The following ARHGAP19 variants were observed in gnomAD, a reference collection of about 807,000 sequenced individuals.
ARHGAP19 encodes the protein rho GTPase-activating protein 19.
ARHGAP19 carries 48 observed loss-of-function variants against 60.9 expected under a neutral mutation model. That is an observed-to-expected ratio of 0.79 (90% CI 0.62 to 1.00). The LOEUF is 1.00. Among genes scored for constraint, ARHGAP19 ranks in the 50% least tolerant of loss-of-function variants. ARHGAP19 has a pLI of 0.00. For missense variants in ARHGAP19, 562 were observed against 597.2 expected, an observed-to-expected ratio of 0.94 and a Z score of 0.61; for synonymous variants, 209 against 215.5, an observed-to-expected ratio of 0.97 and a Z score of 0.27.
chr10:97,255,556 G>T (rs575352605), intron 6 of ARHGAP19, among the ~76,000 whole-genome samples: 3 of 152,060 alleles, frequency 2.0e-5, no homozygotes, highest in Non-Finnish European at 2.9e-5. Context: ...CAGCCTGGGC[G>T]ACAGAGTGAG....
Position 97,246,895 on chromosome 10 carries a change from T to A in ARHGAP19, c.928-558A>T, listed in dbSNP as rs559502201. Among the ~76,000 whole-genome samples, 3 of 152,004 alleles carry A rather than the reference T, an allele frequency of 2.0e-5. No individual in the cohort carries two copies. The East Asian group carries it at 5.8e-4, about 30-fold the overall frequency. On this transcript the variant is annotated intron_variant, in intron 6 of 11. Coordinates refer to ENST00000358531, the MANE Select transcript of ARHGAP19 (RefSeq NM_032900.6). ...GCTCATGCCTGTAATCCCAGCACTATGGGAGGCCAAGGTGGGTGGATCACC... is the reference window on the plus strand; with the variant it reads ...GCTCATGCCTGTAATCCCAGCACTAAGGGAGGCCAAGGTGGGTGGATCACC...
chr10:97,247,279 C>A (rs1439099438), intron 6 of ARHGAP19, among the ~76,000 whole-genome samples: 1 of 152,084 alleles, frequency 6.6e-6, no homozygotes, highest in Non-Finnish European at 1.5e-5. Context: ...CACTGCACTC[C>A]AGCCTAGGCA....
At chr10:97,270,484 T>A in intron 1 of ARHGAP19, 1 of 660,632 alleles carries the variant, frequency 1.5e-6, no homozygotes, top group Non-Finnish European at 2.4e-6. Flanking sequence ...ATTTAAGAAC[T>A]TAAGAAATGT....
intron 1 of ARHGAP19, among the ~76,000 whole-genome samples, chr10:97,266,710 G>A (rs1046405808): frequency 2.6e-5 from 4 of 152,142 alleles, no homozygotes; most frequent in Non-Finnish European, 2.9e-5. Context: ...GGCAGAAGGC[G>A]AAAGAGGAAC....
At position 97,222,531 on chromosome 10, in the gene ARHGAP19, T is replaced by C. The variant is rs1260725404; in HGVS notation, c.*3591A>G. The C allele has an allele frequency of 6.6e-6, 1 of 152,388 alleles. No homozygotes were observed. The highest frequency in any genetic ancestry group is 1.5e-5 in the Non-Finnish European group (1 of 68,094). 9.4% of individuals were successfully genotyped at this position (152,388 alleles called of 1,614,324 possible). A position where few individuals can be genotyped will look rare whatever the true frequency, so the allele number is the denominator to read the frequency against. On this transcript the variant is annotated 3_prime_UTR_variant, in exon 12 of 12. Transcript: ENST00000358531. ...TCAGGCTATTATGTCCCACACCTCC[T>C]CGCTGGCCTGCTTCTGTCAACTCTA...
intron 9 of ARHGAP19, among the ~76,000 whole-genome samples, chr10:97,234,045 T>C (rs1851081603): frequency 6.6e-6 from 1 of 151,536 alleles, no homozygotes. Flanking sequence ...GGCGGGTGAA[T>C]CACCTGAGGT....
At chr10:97,263,176 G>T (rs989068205) in intron 4 of ARHGAP19, among the ~76,000 whole-genome samples, 2 of 152,108 alleles carry the variant, frequency 1.3e-5, no homozygotes, top group Non-Finnish European at 2.9e-5. Flanking sequence ...ATAAAACTCA[G>T]ACGACATCTT....
At chr10:97,233,590 G>A (rs1009228911) in intron 9 of ARHGAP19, among the ~76,000 whole-genome samples, 18 of 152,288 alleles carry the variant, frequency 1.2e-4, no homozygotes, top group Admixed American at 2.6e-4. Flanking sequence ...GGAGCTGGCC[G>A]GGTGCAGTGG....
chr10:97,236,459 A>G (rs1046859095), intron 8 of ARHGAP19, among the ~76,000 whole-genome samples: 4 of 152,182 alleles, frequency 2.6e-5, no homozygotes, highest in African/African-American at 9.7e-5. Context: ...CTAGTTAAGT[A>G]TCCCTCCTGA....
rs544317015 is a variant in ARHGAP19 at position 97,222,813 on chromosome 10, C to G, written c.*3309G>C. 10 of 152,254 alleles carry G rather than the reference C, an allele frequency of 6.6e-5. No individual in the cohort carries two copies. The East Asian group carries it at 1.2e-3, about 18-fold the overall frequency. 9.4% of individuals were successfully genotyped at this position (152,254 alleles called of 1,614,324 possible). ...GAAAGGAGTTCTACACAAAAATGAC[C>G]TCAGAATGGGGGCCATTAGCCTCAA... On this transcript the variant is annotated 3_prime_UTR_variant, in exon 12 of 12. Coordinates refer to ENST00000358531, the MANE Select transcript of ARHGAP19 (RefSeq NM_032900.6).
intron 1 of ARHGAP19, among the ~76,000 whole-genome samples, chr10:97,281,216 C>T (rs1458816795): frequency 3.0e-5 from 2 of 67,742 alleles, no homozygotes; most frequent in African/African-American, 9.6e-5. Context: ...GACTCTGTCA[C>T]TACAAAAAAA....
intron 6 of ARHGAP19, among the ~76,000 whole-genome samples, chr10:97,251,687 A>G (rs1284284302): frequency 5.2e-3 from 4 of 764 alleles, no homozygotes; most frequent in Admixed American, 0.014. Context: ...GGAAGGGGAA[A>G]GGAAGGGAGG....
chr10:97,263,050 C>T (rs1034510455), intron 4 of ARHGAP19, among the ~76,000 whole-genome samples: 1 of 151,982 alleles, frequency 6.6e-6, no homozygotes, highest in African/African-American at 2.4e-5. Flanking sequence ...GAGAGCAAGG[C>T]TGCAGTGAGC....
rs1850849147 is a variant in ARHGAP19, at chr10:97,223,812, A to G, written c.*2310T>C. ...GATTCCACTGGATTAGAATAGTTACATATTACAAGGTAGAAGGTTATGCTG... is the reference window on the plus strand; with the variant it reads ...GATTCCACTGGATTAGAATAGTTACGTATTACAAGGTAGAAGGTTATGCTG... On this transcript the variant is annotated 3_prime_UTR_variant, in exon 12 of 12. Coordinates refer to ENST00000358531, the MANE Select transcript of ARHGAP19 (RefSeq NM_032900.6). 6.6e-6 allele frequency: 1 copy of G among 152,010 alleles called. No homozygotes were observed. The highest frequency in any genetic ancestry group is 6.5e-5 in the Admixed American group (1 of 15,276). The allele number at this position is 152,010 out of a possible 1,614,324, so 9.4% of individuals were successfully genotyped here.
chr10:97,264,824 A>C lies in ARHGAP19; in HGVS notation c.403+2T>G, dbSNP rs751754227. 3 of 1,605,180 alleles carry C rather than the reference A, an allele frequency of 1.9e-6. No individual in the cohort carries two copies. Among genetic ancestry groups the C allele is most frequent in the Non-Finnish European group, 2.6e-6 (3 of 1,172,996 alleles). ...GAATGATAAAATTTCAAGTAGTCTT[A>C]CTTTTGTGTAGATACTCAATCAGTT... On this transcript the variant is annotated splice_donor_variant, in intron 3 of 11. Transcript: ENST00000358531. LOFTEE classifies it high-confidence loss of function.
chr10:97,256,362 T>C lies in ARHGAP19; in HGVS notation c.883A>G (p.Ser295Gly), dbSNP rs759314144. The stretch of plus-strand genomic sequence containing the variant: ...TGTTTAATCATAAAAGCCATCCCAC[T>C]GTTTAACTTTGTGATATTCTCCTGA... ...DLQENITKLN[S>G]GMAFMIKHSQ... Residue 295 changes from serine to glycine, a missense_variant, in exon 6 of 12, where the codon AGT becomes GGT. By Grantham distance (56) the Ser-to-Gly change is moderately conservative. Transcript: ENST00000358531. 4 of 1,614,064 alleles carry C rather than the reference T, an allele frequency of 2.5e-6. No homozygotes were observed. Among genetic ancestry groups the C allele is most frequent in the Non-Finnish European group, 3.4e-6 (4 of 1,179,998 alleles).
chr10:97,224,770 C>T lies in ARHGAP19; in HGVS notation c.*1352G>A, dbSNP rs1471798111. 2 of 152,388 alleles carry T rather than the reference C, an allele frequency of 1.3e-5. No homozygotes were observed. The highest frequency in any genetic ancestry group is 4.8e-5 in the African/African-American group (2 of 41,472). 9.4% of individuals were successfully genotyped at this position (152,388 alleles called of 1,614,324 possible). On this transcript the variant is annotated 3_prime_UTR_variant, in exon 12 of 12. Coordinates refer to ENST00000358531, the MANE Select transcript of ARHGAP19 (RefSeq NM_032900.6). Reference sequence around the variant, plus strand: ...CCAGGCACAAACCTGAGCATTCCCCCCTGCTACATGCTGCTCTCTGGGCAG... The same window carrying T: ...CCAGGCACAAACCTGAGCATTCCCCTCTGCTACATGCTGCTCTCTGGGCAG...
chr10:97,249,506 A>C (rs1349656963), intron 6 of ARHGAP19, among the ~76,000 whole-genome samples: 1 of 152,198 alleles, frequency 6.6e-6, no homozygotes, highest in Non-Finnish European at 1.5e-5. Flanking sequence ...ATGGAAGGTG[A>C]TAGAGGAACA....
At chr10:97,267,930 A>T (rs1392145868) in intron 1 of ARHGAP19, among the ~76,000 whole-genome samples, 1 of 152,238 alleles carries the variant, frequency 6.6e-6, no homozygotes, top group Non-Finnish European at 1.5e-5. Flanking sequence ...CATGTCCTGG[A>T]GACATTTTCC....
Sources: allele counts gnomAD v4.1 joint callset (sites outside exome capture counted in the v4.1 genomes callset), GRCh38; gene constraint gnomAD v4.1.1; transcripts MANE v1.5; gene names NCBI Gene and HGNC (gene_info 2026-07-23, HGNC 2026-07-21).